Variants in DAAM2 observed in about 807,000 individuals in gnomAD.
DAAM2 encodes the protein dishevelled associated activator of morphogenesis 2.
DAAM2 carries 39 observed loss-of-function variants against 120.7 expected under a neutral mutation model. That is an observed-to-expected ratio of 0.32 (90% confidence interval 0.25 to 0.42). The LOEUF (loss-of-function observed/expected upper bound fraction) is 0.42. Ranked by LOEUF, DAAM2 falls within the 10% of genes least tolerant of loss-of-function variation. The probability of loss-of-function intolerance (pLI) is 1.00; values close to 1 mark genes in which losing one functional copy is unlikely to be tolerated. For synonymous variants in DAAM2, 488 were observed against 524.9 expected (o/e 0.93, Z 0.96); for missense variants, 1,283 against 1,401.7 (o/e 0.92, Z 1.35).
chr6:39,904,655 C>T lies in DAAM2; in HGVS notation c.*2618C>T, dbSNP rs1489053018. On this transcript the variant is annotated 3_prime_UTR_variant, in exon 25 of 25. Coordinates refer to ENST00000274867, the MANE Select transcript of DAAM2 (RefSeq NM_001201427.2). Reference sequence around the variant, plus strand: ...AAGGGTCTGTTCCAGCCTCTCCCTACTCCCATCCCATTTCCACCAACTGGG... The same window carrying T: ...AAGGGTCTGTTCCAGCCTCTCCCTATTCCCATCCCATTTCCACCAACTGGG... 2.2e-6 allele frequency: 1 copy of T among 454,086 alleles called. No homozygotes were observed. Among genetic ancestry groups the T allele is most frequent in the Admixed American group, 2.3e-5 (1 of 42,578 alleles). The allele number at this position is 454,086 out of a possible 1,614,324, so 28.1% of individuals were successfully genotyped here. A position where few individuals can be genotyped will look rare whatever the true frequency, so the allele number is the denominator to read the frequency against.
intron 1 of DAAM2, among the ~76,000 whole-genome samples, chr6:39,829,280 C>G (rs1355529158): frequency 6.6e-6 from 1 of 152,204 alleles, no homozygotes; most frequent in African/African-American, 2.4e-5. Context: ...TTGTGGGTAG[C>G]AAGCACAGAA....
chr6:39,810,832 A>G (rs761930001), intron 1 of DAAM2, among the ~76,000 whole-genome samples: 1 of 151,978 alleles, frequency 6.6e-6, no homozygotes, highest in Non-Finnish European at 1.5e-5. Flanking sequence ...AATCACACAT[A>G]CACCCATCCT....
chr6:39,878,341 C>T lies in DAAM2; in HGVS notation c.1361-63C>T, dbSNP rs1267303616. Reference sequence around the variant, plus strand: ...GCCCATAACTCCATGCCCTTCCAGGCAGGGAGTCACATTACTCACATTCTC... The same window carrying T: ...GCCCATAACTCCATGCCCTTCCAGGTAGGGAGTCACATTACTCACATTCTC... On this transcript the variant is annotated intron_variant, in intron 12 of 24. Transcript: ENST00000274867. The surrounding 1 kb of genome is among the most constrained non-coding windows in gnomAD (Gnocchi z 5.0). 2 of 1,609,110 alleles carry T rather than the reference C, an allele frequency of 1.2e-6. No individual in the cohort carries two copies. The highest frequency in any genetic ancestry group is 1.7e-6 in the Non-Finnish European group (2 of 1,176,770).
At chr6:39,830,973 G>A (rs1432241494) in intron 1 of DAAM2, among the ~76,000 whole-genome samples, 1 of 152,194 alleles carries the variant, frequency 6.6e-6, no homozygotes, top group East Asian at 1.9e-4. Flanking sequence ...ATTTACAAAT[G>A]TTGCCTCATT....
Position 39,890,483 on chromosome 6 carries a change from C to A in DAAM2, c.2146-858C>A, listed in dbSNP as rs562133663. ...TACCATGACATGGATGAACCTTAGA[C>A]ATTATGCTGGGGAGAAGTCAGACAT... On this transcript the variant is annotated intron_variant, in intron 17 of 24. Coordinates refer to ENST00000274867, the MANE Select transcript of DAAM2 (RefSeq NM_001201427.2). 2.0e-5 allele frequency among the ~76,000 whole-genome samples: 3 copies of A among 152,288 alleles called. No homozygotes were observed. In the East Asian group the frequency reaches 5.8e-4, roughly 29 times the overall value.
intron 14 of DAAM2, chr6:39,882,370 C>T (rs1174528684): frequency 1.3e-5 from 2 of 152,088 alleles, no homozygotes; most frequent in Non-Finnish European, 2.9e-5. Context: ...AGAGCCCGAG[C>T]TTAGTCAGCT....
intron 1 of DAAM2, among the ~76,000 whole-genome samples, chr6:39,828,701 T>C (rs1421812867): frequency 6.6e-6 from 1 of 152,034 alleles, no homozygotes; most frequent in Non-Finnish European, 1.5e-5. Context: ...TAGCTGGGAC[T>C]ACAGGTGCGT....
At chr6:39,879,681 C>T (rs1208427907) in intron 14 of DAAM2, 2 of 665,266 alleles carry the variant, frequency 3.0e-6, no homozygotes, top group Non-Finnish European at 5.4e-6. Context: ...AGATGCTTGA[C>T]ATTGGGCAAT....
chr6:39,819,206 A>G (rs1762406512), intron 1 of DAAM2: 2 of 152,190 alleles, frequency 1.3e-5, no homozygotes, highest in African/African-American at 4.8e-5. Context: ...GGCTGGAGGG[A>G]AGCTGAGGAC....
chr6:39,861,176 C>A, intron 3 of DAAM2, 159 bp downstream of exon 3: 1 of 709,560 alleles, frequency 1.4e-6, no homozygotes. Context: ...AAAGGAAATT[C>A]TGCTGTCCTG....
chr6:39,902,277 C>A lies in DAAM2; in HGVS notation c.*240C>A, dbSNP rs1766539489. 4.8e-6 allele frequency: 2 copies of A among 417,748 alleles called. No individual in the cohort carries two copies. Among genetic ancestry groups the A allele is most frequent in the Non-Finnish European group, 8.5e-6 (2 of 236,588 alleles). The allele number at this position is 417,748 out of a possible 1,614,324, so 25.9% of individuals were successfully genotyped here. ...CCTGGCCCCAGGTATTATTCTGAGGCTGCCTTGGATGGCCTCAGGCCAGGT... is the reference window on the plus strand; with the variant it reads ...CCTGGCCCCAGGTATTATTCTGAGGATGCCTTGGATGGCCTCAGGCCAGGT... On this transcript the variant is annotated 3_prime_UTR_variant, in exon 25 of 25. Coordinates refer to ENST00000274867, the MANE Select transcript of DAAM2 (RefSeq NM_001201427.2).
chr6:39,828,570 C>CTTTTTTT (rs1430820441), intron 1 of DAAM2, among the ~76,000 whole-genome samples: 41 of 142,592 alleles, frequency 2.9e-4, no homozygotes, highest in South Asian at 6.8e-4. Flanking sequence ...CCCCCTCCGT[C>CTTTTTTT]TTTTTTTTTT....
chr6:39,882,156 A>G (rs1292036513), intron 14 of DAAM2: 1 of 152,202 alleles, frequency 6.6e-6, no homozygotes, highest in African/African-American at 2.4e-5. Flanking sequence ...AGTGGTGGGA[A>G]AATTAAATTT....
At chr6:39,856,187 C>T in intron 1 of DAAM2, 60 bp from the exon 2 acceptor site, 2 of 1,307,970 alleles carry the variant, frequency 1.5e-6, no homozygotes, top group Non-Finnish European at 1.9e-6. Context: ...GCAGAGTGAC[C>T]TCTGCCCTGG....
intron 17 of DAAM2, among the ~76,000 whole-genome samples, chr6:39,890,229 A>G (rs1765629648): frequency 6.6e-6 from 1 of 152,348 alleles, no homozygotes; most frequent in South Asian, 2.1e-4. Flanking sequence ...GAGGAGGAAG[A>G]GGAATGGTTG....
intron 16 of DAAM2, chr6:39,887,850 G>A (rs912734527): frequency 2.0e-5 from 9 of 452,236 alleles, no homozygotes; most frequent in East Asian, 8.8e-5. Flanking sequence ...GGAGGGCCTC[G>A]CTTGGCTCAG....
At chr6:39,887,364 C>T in intron 15 of DAAM2, 122 bp from the exon 16 acceptor site, 1 of 650,390 alleles carries the variant, frequency 1.5e-6, no homozygotes, top group Admixed American at 2.7e-5. Context: ...CTGTCTTTTT[C>T]TTCCCCCTTC....
Position 39,878,301 on chromosome 6 carries a change from C to G in DAAM2, c.1360+40C>G. 1 of 1,612,654 alleles carries G rather than the reference C, an allele frequency of 6.2e-7. No homozygotes were observed. Among genetic ancestry groups the G allele is most frequent in the East Asian group, 2.2e-5 (1 of 44,872 alleles). On this transcript the variant is annotated intron_variant, in intron 12 of 24. Transcript: ENST00000274867. This position sits in a 1 kb window ranked among gnomAD's most constrained non-coding sequence, Gnocchi z 5.0. ...TTAAGCCTGCTGTCCACTCCACATGCCCTTCCCCTGCCCAGCCCATAACTC... is the reference window on the plus strand; with the variant it reads ...TTAAGCCTGCTGTCCACTCCACATGGCCTTCCCCTGCCCAGCCCATAACTC...
intron 1 of DAAM2, among the ~76,000 whole-genome samples, chr6:39,811,722 G>T (rs1451439650): frequency 3.3e-5 from 5 of 152,170 alleles, no homozygotes; most frequent in African/African-American, 1.2e-4. Flanking sequence ...CACCCTGGGG[G>T]CCATGGTCTG....
Sources: gnomAD v4.1 joint callset for allele counts (sites outside exome capture counted in the v4.1 genomes callset) on GRCh38, gnomAD v4.1.1 for gene constraint, Gnocchi (gnomAD v3.1) non-coding constraint, MANE v1.5 for transcripts, NCBI Gene and HGNC (gene_info 2026-07-23, HGNC 2026-07-21) for gene names.